C10orf88: variants seen among roughly 807,000 people sequenced by gnomAD.
C10orf88 encodes the protein ATPase PAAT.
In C10orf88, 29 loss-of-function variants were observed where a neutral mutation model predicts 34.2. The observed-to-expected ratio is 0.85, with a 90% CI of 0.63 to 1.16. The LOEUF is 1.16. Among genes scored for constraint, C10orf88 ranks in the 50% most tolerant of loss-of-function variants. C10orf88 has a pLI of 0.00. For missense variants in C10orf88, 507 were observed against 533.2 expected (o/e 0.95, Z 0.48); for synonymous variants, 194 against 197.4 (o/e 0.98, Z 0.15).
chr10:122,943,483 A>G (rs1453100045), intron 4 of C10orf88, among the ~76,000 whole-genome samples: 16 of 150,728 alleles, frequency 1.1e-4, no homozygotes, highest in Admixed American at 1.1e-3. Flanking sequence ...TCATGTCTAA[A>G]ACACCAAAAG....
rs1395041943 is a variant in C10orf88 at position 122,931,280 on chromosome 10, T to C, written c.*1147A>G. 1 of 152,092 alleles carries C rather than the reference T, an allele frequency of 6.6e-6. No homozygotes were observed. Among genetic ancestry groups the C allele is most frequent in the Non-Finnish European group, 1.5e-5 (1 of 68,006 alleles). The allele number at this position is 152,092 out of a possible 1,614,324, so 9.4% of individuals were successfully genotyped here. A position where few individuals can be genotyped will look rare whatever the true frequency, so the allele number is the denominator to read the frequency against. ...TTGTAACCAGTCTCCTCTGGACTGG[T>C]TACAAAAGGAACTTTTCATCACAGG... On this transcript the variant is annotated 3_prime_UTR_variant, in exon 6 of 6. Coordinates refer to ENST00000481909, the MANE Select transcript of C10orf88 (RefSeq NM_024942.4).
At chr10:122,938,554 C>T (rs149102168) in intron 4 of C10orf88, among the ~76,000 whole-genome samples, 19 of 152,050 alleles carry the variant, frequency 1.2e-4, no homozygotes, top group African/African-American at 3.9e-4. Flanking sequence ...TCACAAGAAC[C>T]GGTAAGTTTC....
intron 4 of C10orf88, among the ~76,000 whole-genome samples, chr10:122,938,566 T>G (rs531961905): frequency 6.6e-6 from 1 of 152,188 alleles, no homozygotes; most frequent in African/African-American, 2.4e-5. Flanking sequence ...GTAAGTTTCT[T>G]AAAATTCAAT....
chr10:122,949,904 A>G (rs1357034629), intron 3 of C10orf88, among the ~76,000 whole-genome samples: 1 of 152,264 alleles, frequency 6.6e-6, no homozygotes, highest in East Asian at 1.9e-4. Context: ...TTGCTGGATT[A>G]CACATAGAAA....
At chr10:122,935,409 C>T (rs2133327974) in intron 5 of C10orf88, among the ~76,000 whole-genome samples, 1 of 152,062 alleles carries the variant, frequency 6.6e-6, no homozygotes, top group South Asian at 2.1e-4. Flanking sequence ...AAAGACAATT[C>T]TACCTGTATT....
intron 5 of C10orf88, among the ~76,000 whole-genome samples, chr10:122,934,437 T>C (rs2133327465): frequency 6.6e-6 from 1 of 152,282 alleles, no homozygotes; most frequent in East Asian, 1.9e-4. Flanking sequence ...AGTGAGATCA[T>C]ACAGTATGTG....
At position 122,932,354 on chromosome 10, in the gene C10orf88, T is replaced by C. The variant is rs1848490954; in HGVS notation, c.*73A>G. 2.4e-6 allele frequency: 3 copies of C among 1,252,300 alleles called. No individual in the cohort carries two copies. The highest frequency in any genetic ancestry group is 1.5e-5 in the African/African-American group (1 of 65,676). 77.6% of individuals were successfully genotyped at this position (1,252,300 alleles called of 1,614,324 possible). On this transcript the variant is annotated 3_prime_UTR_variant, in exon 6 of 6. Transcript: ENST00000481909. ...AAGGACATTAAATACTTGCTTTTTA[T>C]AAATATTTTTGGGTTTTGGCTTTGT...
chr10:122,932,490 CGGG>C lies in C10orf88; in HGVS notation c.1272_1274del (p.Pro426del). The C allele has an allele frequency of 6.2e-7, 1 of 1,613,906 alleles. No homozygotes were observed. Among genetic ancestry groups the C allele is most frequent in the Middle Eastern group, 1.7e-4 (1 of 6,060 alleles). ...AATGTCTTAGAGGTATCCCAGTGGG[CGGG>C]GAGTTAGGATTTTGCAGCAAATCCA... On this transcript the variant is annotated inframe_deletion, in exon 6 of 6. Transcript: ENST00000481909.
rs556768469 is a variant in C10orf88 at position 122,942,599 on chromosome 10, T to G, written c.649-4440A>C. On this transcript the variant is annotated intron_variant, in intron 4 of 5. Coordinates refer to ENST00000481909, the MANE Select transcript of C10orf88 (RefSeq NM_024942.4). ...AAGTCAAATTGTCCCTGTTTGCAGATGACATGATTGTATATCTAGAAAACC... is the reference window on the plus strand; with the variant it reads ...AAGTCAAATTGTCCCTGTTTGCAGAGGACATGATTGTATATCTAGAAAACC... Among the ~76,000 whole-genome samples, 29 of 150,134 alleles carry G rather than the reference T, an allele frequency of 1.9e-4. 3 individuals carry two copies. The South Asian group carries it at 2.1e-3, about 11-fold the overall frequency.
chr10:122,934,045 A>T (rs990850694), intron 5 of C10orf88, among the ~76,000 whole-genome samples: 8 of 152,172 alleles, frequency 5.3e-5, no homozygotes, highest in African/African-American at 1.9e-4. Flanking sequence ...TCTAGAATAC[A>T]CCAAAGACAG....
intron 1 of C10orf88, among the ~76,000 whole-genome samples, chr10:122,953,770 AT>A (rs1188959363): frequency 0.1 from 1 of 10 alleles, no homozygotes; most frequent in Non-Finnish European, 0.12. Context: ...TGGGGACGTT[AT>A]ATGAAATTCC....
intron 5 of C10orf88, among the ~76,000 whole-genome samples, chr10:122,937,354 C>T (rs1236755057): frequency 2.6e-5 from 4 of 151,912 alleles, no homozygotes; most frequent in Non-Finnish European, 5.9e-5. Context: ...TTAACATACC[C>T]AGGCACAAAA....
rs774196003 is a variant in C10orf88, at chr10:122,932,435, C to T, written c.1330G>A (p.Glu444Lys). ...CTGTTTATGTTGAGAGCTTATCTTT[C>T]TCCATTTGAAAGTCTTTCTCCAGAG... Reference protein sequence around the residue: ...YDSGERLSNGER With the variant: ...YDSGERLSNGKR Residue 444 changes from glutamate to lysine, a missense_variant, in exon 6 of 6, where the codon GAA becomes AAA. By Grantham distance (56) the Glu-to-Lys change is moderately conservative (BLOSUM62 1). Transcript: ENST00000481909. 1 of 1,609,810 alleles carries T rather than the reference C, an allele frequency of 6.2e-7. No homozygotes were observed. Among genetic ancestry groups the T allele is most frequent in the Non-Finnish European group, 8.5e-7 (1 of 1,176,640 alleles).
Position 122,954,022 on chromosome 10 carries a change from C to A in C10orf88, c.157G>T (p.Ala53Ser). The A allele has an allele frequency of 6.6e-7, 1 of 1,523,838 alleles. No homozygotes were observed. Among genetic ancestry groups the A allele is most frequent in the Non-Finnish European group, 8.8e-7 (1 of 1,139,266 alleles). The allele number at this position is 1,523,838 out of a possible 1,614,324, so 94.4% of individuals were successfully genotyped here. A position where few individuals can be genotyped will look rare whatever the true frequency, so the allele number is the denominator to read the frequency against. ...FDWEELLAPP[A>S]PGQDLVILKR... ...CCCGTCGGCCCGGCGCACCCTGGAGCAGGCGGTGCCAGCAGCTCCTCCCAG... is the reference window on the plus strand; with the variant it reads ...CCCGTCGGCCCGGCGCACCCTGGAGAAGGCGGTGCCAGCAGCTCCTCCCAG... The change falls in exon 1 of 6, where the codon GCT becomes TCT. Residue 53 changes from alanine (A) to serine (S), a missense_variant. By Grantham distance (99) the Ala-to-Ser change is moderately conservative (BLOSUM62 1). Transcript: ENST00000481909.
intron 3 of C10orf88, among the ~76,000 whole-genome samples, chr10:122,950,498 A>G (rs1045446076): frequency 1.3e-5 from 2 of 152,258 alleles, no homozygotes; most frequent in Admixed American, 1.3e-4. Flanking sequence ...TCATGATCCA[A>G]GAACTCTTAA....
intron 1 of C10orf88, among the ~76,000 whole-genome samples, 184 bp downstream of exon 1, chr10:122,953,831 C>G (rs1295543153): frequency 2.0e-5 from 3 of 151,718 alleles, no homozygotes; most frequent in Non-Finnish European, 2.9e-5. Context: ...CGGCCCCTTC[C>G]CGGCCGGACC....
chr10:122,941,869 G>T (rs994011602), intron 4 of C10orf88, among the ~76,000 whole-genome samples: 4 of 152,058 alleles, frequency 2.6e-5, no homozygotes, highest in Non-Finnish European at 5.9e-5. Context: ...TTGGCTGAGG[G>T]TGGGGTGGCA....
intron 4 of C10orf88, among the ~76,000 whole-genome samples, chr10:122,948,128 T>G (rs770473955): frequency 2.6e-5 from 4 of 152,212 alleles, no homozygotes; most frequent in Non-Finnish European, 4.4e-5. Flanking sequence ...ACTTTTTTGC[T>G]TCAGAGAAAT....
Position 122,950,404 on chromosome 10 carries a change from C to T in C10orf88, c.442-1549G>A, listed in dbSNP as rs557803966. Among the ~76,000 whole-genome samples the T allele has an allele frequency of 2.6e-5, 4 of 152,238 alleles. No homozygotes were observed. The East Asian group carries it at 5.8e-4, about 22-fold the overall frequency. ...AATAACCCTTTGCACTCCCATGTAC[C>T]TCCATTGAACAGTTAAAAAAACATT... On this transcript the variant is annotated intron_variant, in intron 3 of 5. Transcript: ENST00000481909.
Sources: allele counts gnomAD v4.1 joint callset (sites outside exome capture counted in the v4.1 genomes callset), GRCh38; gene constraint gnomAD v4.1.1; transcripts MANE v1.5; gene names NCBI Gene and HGNC (gene_info 2026-07-23, HGNC 2026-07-21).